LRRC37A: variants seen among roughly 807,000 people sequenced by gnomAD.
LRRC37A encodes leucine-rich repeat-containing protein 37A.
Under a neutral mutation model 35.4 loss-of-function variants are expected in LRRC37A, and 3 were observed. The observed-to-expected ratio is 0.08, with a 90% CI of 0.04 to 0.22. The LOEUF (loss-of-function observed/expected upper bound fraction) is 0.22. Ranked by LOEUF, LRRC37A falls within the 10% of genes least tolerant of loss-of-function variation. The pLI is 1.00. For synonymous variants in LRRC37A, 23 were observed against 215.0 expected (o/e 0.11, Z 7.81); for missense variants, 67 against 565.3 (o/e 0.12, Z 8.94).
the LRRC37A span, among the ~76,000 whole-genome samples, chr17:46,258,809 G>A: frequency 6.8e-6 from 1 of 148,038 alleles, no homozygotes; most frequent in African/African-American, 2.5e-5. Context: ...CTGCCTCCTG[G>A]GTTCACACCA....
chr17:46,274,030 C>T, the LRRC37A span, among the ~76,000 whole-genome samples: 2 of 152,190 alleles, frequency 1.3e-5, no homozygotes, highest in Admixed American at 1.3e-4. Context: ...TCTTCTCTGA[C>T]GTGATGACAA....
the LRRC37A span, among the ~76,000 whole-genome samples, chr17:46,285,311 G>A: frequency 6.6e-6 from 1 of 150,906 alleles, no homozygotes; most frequent in African/African-American, 2.4e-5. Flanking sequence ...CTCGATCTTG[G>A]CTCACTGCAA....
At chr17:46,252,232 G>T in the LRRC37A span, among the ~76,000 whole-genome samples, 2 of 151,770 alleles carry the variant, frequency 1.3e-5, no homozygotes, top group African/African-American at 2.4e-5. Context: ...TTTCAGACAG[G>T]ATCTCGCTGT....
chr17:46,275,898 T>G, the LRRC37A span, among the ~76,000 whole-genome samples: 1 of 152,226 alleles, frequency 6.6e-6, no homozygotes, highest in African/African-American at 2.4e-5. Context: ...TTCACAATTT[T>G]TTTTTTTTTT....
chr17:46,282,671 C>T, the LRRC37A span, among the ~76,000 whole-genome samples: 8 of 152,188 alleles, frequency 5.3e-5, no homozygotes, highest in East Asian at 1.5e-3. Context: ...ATTCTCCCCA[C>T]TCGGCTTCCC....
At chr17:46,280,350 T>C in the LRRC37A span, among the ~76,000 whole-genome samples, 1 of 151,320 alleles carries the variant, frequency 6.6e-6, no homozygotes, top group Non-Finnish European at 1.5e-5. Context: ...GGCAACAGAG[T>C]GAGACTCTGT....
chr17:46,267,521 A>C, the LRRC37A span: 4 of 1,612,736 alleles, frequency 2.5e-6, no homozygotes, highest in Admixed American at 6.7e-5. Flanking sequence ...TAAACCTGGT[A>C]TTGAAACTGA....
At chr17:46,278,371 G>A in the LRRC37A span, among the ~76,000 whole-genome samples, 1 of 149,088 alleles carries the variant, frequency 6.7e-6, no homozygotes, top group African/African-American at 2.5e-5. Flanking sequence ...AGTCTTTTTT[G>A]TTTTGTTTTG....
upstream of LRRC37A, among the ~76,000 whole-genome samples, chr17:46,289,109 C>T (rs902422471): frequency 2.0e-5 from 3 of 152,292 alleles, no homozygotes; most frequent in Non-Finnish European, 4.4e-5. Context: ...ACTATATTAC[C>T]CTAGGGACAA....
upstream of LRRC37A, among the ~76,000 whole-genome samples, chr17:46,290,244 C>G (rs1305895992): frequency 6.6e-6 from 1 of 152,194 alleles, no homozygotes; most frequent in Admixed American, 6.5e-5. Context: ...GTCCCCTGGC[C>G]TCAGCCTCGC....
the LRRC37A span, among the ~76,000 whole-genome samples, chr17:46,267,813 G>C: frequency 5.3e-5 from 8 of 151,336 alleles, no homozygotes; most frequent in Non-Finnish European, 1.0e-4. Flanking sequence ...AGAAGGGACT[G>C]TACAGAACTG....
At chr17:46,248,597 G>A in the LRRC37A span, among the ~76,000 whole-genome samples, 1 of 152,032 alleles carries the variant, frequency 6.6e-6, no homozygotes, top group Non-Finnish European at 1.5e-5. Flanking sequence ...TAGACTCACT[G>A]CAACCTCCAC....
chr17:46,256,442 T>C, the LRRC37A span, among the ~76,000 whole-genome samples: 1 of 152,120 alleles, frequency 6.6e-6, no homozygotes, highest in Non-Finnish European at 1.5e-5. Flanking sequence ...AGAGCCTTTC[T>C]TCTCTTTGTC....
the LRRC37A span, among the ~76,000 whole-genome samples, chr17:46,278,605 T>C: frequency 6.6e-6 from 1 of 151,756 alleles, no homozygotes; most frequent in Non-Finnish European, 1.5e-5. Context: ...GGTTTCACCA[T>C]CTTGGCCAGG....
the LRRC37A span, among the ~76,000 whole-genome samples, chr17:46,280,110 C>T: frequency 0.11 from 16,650 of 149,090 alleles, no homozygotes; most frequent in Non-Finnish European, 0.17. Flanking sequence ...CGGTGGCTCA[C>T]ATCTGTAATC....
chr17:46,311,430 G>A (rs2143732038), intron 5 of LRRC37A, among the ~76,000 whole-genome samples: 1 of 88,716 alleles, frequency 1.1e-5, no homozygotes, highest in African/African-American at 3.2e-5. Flanking sequence ...AGATCATTTT[G>A]GAGTTTGTCA....
chr17:46,253,789 G>A, the LRRC37A span, among the ~76,000 whole-genome samples: 1 of 151,638 alleles, frequency 6.6e-6, no homozygotes, highest in Admixed American at 6.6e-5. Flanking sequence ...AGGGGGAGAG[G>A]GAGAGGGAGA....
chr17:46,317,176 C>A lies in LRRC37A; in HGVS notation c.2907-5146C>A, dbSNP rs1433650216. On this transcript the variant is annotated intron_variant, in intron 5 of 13. Transcript: ENST00000320254. ...CCGGGCAGAGGCGCTCCTCACATCCCAGACGGGCATGCCCAGTTAGTTTTA... is the reference window on the plus strand; with the variant it reads ...CCGGGCAGAGGCGCTCCTCACATCCAAGACGGGCATGCCCAGTTAGTTTTA... 2.3e-5 allele frequency among the ~76,000 whole-genome samples: 2 copies of A among 87,504 alleles called. 1 individual carries two copies. The highest frequency in any genetic ancestry group is 4.6e-4 in the East Asian group (2 of 4,324). The allele number at this position is 87,504 out of a possible 152,430, so 57.4% of individuals were successfully genotyped here.
the LRRC37A span, among the ~76,000 whole-genome samples, chr17:46,266,004 C>G: frequency 0.65 from 96,426 of 148,496 alleles, 32,012 homozygotes; most frequent in South Asian, 0.82. Context: ...GGCTGAGGCA[C>G]GAGAATCGCT....
Sources: allele counts gnomAD v4.1 joint callset (sites outside exome capture counted in the v4.1 genomes callset), GRCh38; gene constraint gnomAD v4.1.1; transcripts MANE v1.5; gene names NCBI Gene and HGNC (gene_info 2026-07-23, HGNC 2026-07-21).